Variants in TNPO2 observed in about 807,000 individuals in gnomAD.
TNPO2 encodes the protein transportin 2.
Under a neutral mutation model 111.1 loss-of-function variants are expected in TNPO2, and 16 were observed. That is an observed-to-expected ratio of 0.14 (90% confidence interval 0.10 to 0.22). TNPO2 has a LOEUF of 0.22. Ranked by LOEUF, TNPO2 falls within the 10% of genes least tolerant of loss-of-function variation. The pLI, the probability that TNPO2 is intolerant of heterozygous loss-of-function variation, is 1.00. For synonymous variants in TNPO2, 481 were observed against 475.8 expected (o/e 1.01, Z -0.14); for missense variants, 530 against 1,173.7 (o/e 0.45, Z 8.01).
chr19:12,710,889 CT>C lies in TNPO2; in HGVS notation c.1118-117del, dbSNP rs965126517. The C allele has an allele frequency of 5.4e-4, 593 of 1,100,990 alleles. 1 individual carries two copies. The highest frequency in any genetic ancestry group is 2.7e-3 in the African/African-American group (168 of 62,178). The allele number at this position is 1,100,990 out of a possible 1,614,324, so 68.2% of individuals were successfully genotyped here. On this transcript the variant is annotated intron_variant, in intron 12 of 25. Transcript: ENST00000425528. ...TGCTCAGAATCTTCACGATCAGCTT[CT>C]TTTTTTTTGTTTTGTTTTTTTGAGA... is the stretch of plus-strand genomic sequence containing the variant.
Position 12,699,856 on chromosome 19 carries a change from C to T in TNPO2, c.*1408G>A, listed in dbSNP as rs2025195386. ...CAGGAGGGATGGATGGAGCAGGCCCCAGGATGCGAGACTCCAGTCAGACTC... is the reference window on the plus strand; with the variant it reads ...CAGGAGGGATGGATGGAGCAGGCCCTAGGATGCGAGACTCCAGTCAGACTC... On this transcript the variant is annotated 3_prime_UTR_variant, in exon 26 of 26. Transcript: ENST00000425528. The T allele has an allele frequency of 6.6e-6, 1 of 152,230 alleles. No homozygotes were observed. Among genetic ancestry groups the T allele is most frequent in the South Asian group, 2.1e-4 (1 of 4,800 alleles). The allele number at this position is 152,230 out of a possible 1,614,324, so 9.4% of individuals were successfully genotyped here.
chr19:12,710,828 G>T, intron 12 of TNPO2, 55 bp from the exon 13 acceptor site: 2 of 1,476,048 alleles, frequency 1.4e-6, no homozygotes, highest in South Asian at 1.3e-5. Context: ...GCAGGTGGCC[G>T]ACCCTCCTTG....
At chr19:12,711,274 AC>A in intron 12 of TNPO2, 21 bp downstream of exon 12, 1 of 1,606,216 alleles carries the variant, frequency 6.2e-7, no homozygotes, top group African/African-American at 1.3e-5. Flanking sequence ...CCCCACCACC[AC>A]CCCCAGGCAG....
In TNPO2 at chr19:12,721,334, C is replaced by T. The variant is rs1267223401; in HGVS notation, c.-13-344G>A. On this transcript the variant is annotated intron_variant, in intron 2 of 25. Transcript: ENST00000425528. The surrounding 1 kb of genome is among the most constrained non-coding windows in gnomAD (Gnocchi z 4.9). ...CGAGCCCGAAGGCTTCCACCTCCCT[C>T]GCAGCGGCTGGGCGAGGGCCCAGCC... 1 of 1,274,858 alleles carries T rather than the reference C, an allele frequency of 7.8e-7. No individual in the cohort carries two copies. The highest frequency in any genetic ancestry group is 1.6e-5 in the African/African-American group (1 of 63,544). 79.0% of individuals were successfully genotyped at this position (1,274,858 alleles called of 1,614,324 possible). A position where few individuals can be genotyped will look rare whatever the true frequency, so the allele number is the denominator to read the frequency against.
Position 12,705,296 on chromosome 19 carries a change from C to T in TNPO2, c.1966G>A (p.Val656Met), listed in dbSNP as rs2025578345. ...SGLAEGLGGH[V>M]EQLVARSNIM... ...TTGCTGCGGGCCACCAGCTGCTCCACGTGACCACCCAGGCCCTCGGCCAGG... is the reference window on the plus strand; with the variant it reads ...TTGCTGCGGGCCACCAGCTGCTCCATGTGACCACCCAGGCCCTCGGCCAGG... The change falls in exon 18 of 26, where the codon GTG becomes ATG. Residue 656 changes from valine (V) to methionine (M), a missense_variant. Val to Met is a conservative substitution (Grantham distance 21, BLOSUM62 1). Transcript: ENST00000425528. The surrounding 1 kb of genome is among the most constrained non-coding windows in gnomAD (Gnocchi z 7.2). The T allele has an allele frequency of 3.7e-6, 6 of 1,602,612 alleles. No homozygotes were observed. Among genetic ancestry groups the T allele is most frequent in the South Asian group, 1.1e-5 (1 of 88,824 alleles).
rs1175331117 is a variant in TNPO2, at chr19:12,715,594, C to G, written c.432+39G>C. The stretch of plus-strand genomic sequence containing the variant: ...GGGTGGTGGGTGGTGGTCCCAGCCC[C>G]CCAGTACTCGCTCTGGCCATCCATG... On this transcript the variant is annotated intron_variant, in intron 6 of 25. Coordinates refer to ENST00000425528, the MANE Select transcript of TNPO2 (RefSeq NM_001382241.1). This position sits in a 1 kb window ranked among gnomAD's most constrained non-coding sequence, Gnocchi z 7.1. 6.2e-7 allele frequency: 1 copy of G among 1,613,498 alleles called. No individual in the cohort carries two copies. The highest frequency in any genetic ancestry group is 8.5e-7 in the Non-Finnish European group (1 of 1,179,648).
chr19:12,707,126 T>A (rs1186798362), intron 13 of TNPO2, among the ~76,000 whole-genome samples: 1 of 152,142 alleles, frequency 6.6e-6, no homozygotes, highest in African/African-American at 2.4e-5. Flanking sequence ...GCCTCCCAAG[T>A]AGCTGGGATT....
intron 18 of TNPO2, among the ~76,000 whole-genome samples, chr19:12,704,554 T>C (rs2025520806): frequency 6.6e-6 from 1 of 152,244 alleles, no homozygotes; most frequent in South Asian, 2.1e-4. Flanking sequence ...ATGCGTTCAG[T>C]ACAGATGTAA....
rs374852476 is a variant in TNPO2, at chr19:12,705,467, A to G, written c.1863+25T>C. ...CCGAGGCAGGCCAATGCAGAAGCACAGGTGACGGGCCTAGGGTTGCTCACC... is the reference window on the plus strand; with the variant it reads ...CCGAGGCAGGCCAATGCAGAAGCACGGGTGACGGGCCTAGGGTTGCTCACC... On this transcript the variant is annotated intron_variant, in intron 17 of 25. Coordinates refer to ENST00000425528, the MANE Select transcript of TNPO2 (RefSeq NM_001382241.1). This position sits in a 1 kb window ranked among gnomAD's most constrained non-coding sequence, Gnocchi z 7.2. 1 of 1,580,172 alleles carries G rather than the reference A, an allele frequency of 6.3e-7. No homozygotes were observed. Among genetic ancestry groups the G allele is most frequent in the Non-Finnish European group, 8.6e-7 (1 of 1,163,144 alleles).
intron 13 of TNPO2, among the ~76,000 whole-genome samples, chr19:12,709,642 G>GTTT (rs78853226): frequency 6.5e-5 from 8 of 122,888 alleles, no homozygotes; most frequent in East Asian, 4.5e-4. Flanking sequence ...ATTTTATCAG[G>GTTT]TTTTTTTTTT....
Position 12,703,335 on chromosome 19 carries a change from C to G in TNPO2, c.2209+93G>C, listed in dbSNP as rs1335307003. On this transcript the variant is annotated intron_variant, in intron 20 of 25. Coordinates refer to ENST00000425528, the MANE Select transcript of TNPO2 (RefSeq NM_001382241.1). ...CCCTGACGACCCCCAAGAGACTTGC[C>G]TTGAAGGAAGCTGTCAGTCAGAGCT... The G allele has an allele frequency of 6.6e-6, 8 of 1,209,246 alleles. No individual in the cohort carries two copies. In the East Asian group the frequency reaches 9.3e-5, roughly 14 times the overall value. The allele number at this position is 1,209,246 out of a possible 1,614,324, so 74.9% of individuals were successfully genotyped here.
At chr19:12,716,567 A>C (rs1568338447) in intron 5 of TNPO2, among the ~76,000 whole-genome samples, 1 of 151,914 alleles carries the variant, frequency 6.6e-6, no homozygotes, top group Non-Finnish European at 1.5e-5. Flanking sequence ...CAGAGGTTGC[A>C]GTGAGCAGAG....
intron 18 of TNPO2, among the ~76,000 whole-genome samples, chr19:12,704,839 T>C (rs2025544378): frequency 6.6e-6 from 1 of 152,038 alleles, no homozygotes; most frequent in Non-Finnish European, 1.5e-5. Context: ...CCTACCACCA[T>C]GCCTGGCTAA....
Position 12,715,761 on chromosome 19 carries a change from G to T in TNPO2, c.326-22C>A. The T allele has an allele frequency of 6.3e-7, 1 of 1,578,182 alleles. No homozygotes were observed. The highest frequency in any genetic ancestry group is 8.6e-7 in the Non-Finnish European group (1 of 1,162,126). ...ATGCCTGGGGCGGCCGGGAAAGGAC[G>T]CTGCCTGAGGCTGGGCAGGGGCTGC... On this transcript the variant is annotated intron_variant, in intron 5 of 25. Coordinates refer to ENST00000425528, the MANE Select transcript of TNPO2 (RefSeq NM_001382241.1). This position sits in a 1 kb window ranked among gnomAD's most constrained non-coding sequence, Gnocchi z 7.1.
chr19:12,709,211 A>C (rs930813815), intron 13 of TNPO2, among the ~76,000 whole-genome samples: 4 of 151,090 alleles, frequency 2.6e-5, no homozygotes, highest in African/African-American at 9.7e-5. Flanking sequence ...AATACAAAAA[A>C]ATTAGCTGGG....
At chr19:12,720,834 A>T (rs768514007) in intron 3 of TNPO2, 45 bp downstream of exon 3, 7 of 1,543,392 alleles carry the variant, frequency 4.5e-6, no homozygotes, top group Non-Finnish European at 6.1e-6. Flanking sequence ...TGGAAACTGC[A>T]CGCATCTACC....
At position 12,721,096 on chromosome 19, in the gene TNPO2, C is replaced by A; in HGVS notation, c.-13-106G>T. On this transcript the variant is annotated intron_variant, in intron 2 of 25. Transcript: ENST00000425528. This position sits in a 1 kb window ranked among gnomAD's most constrained non-coding sequence, Gnocchi z 4.9. ...GGCCGCATGACGACGGGAACGCCCT[C>A]GGCGGACAGGCGGAGGCCTCCGATC... is the stretch of plus-strand genomic sequence containing the variant. The A allele has an allele frequency of 6.5e-7, 1 of 1,527,340 alleles. No individual in the cohort carries two copies. Among genetic ancestry groups the A allele is most frequent in the Non-Finnish European group, 8.7e-7 (1 of 1,143,142 alleles). 94.6% of individuals were successfully genotyped at this position (1,527,340 alleles called of 1,614,324 possible). A position where few individuals can be genotyped will look rare whatever the true frequency, so the allele number is the denominator to read the frequency against.
Position 12,715,321 on chromosome 19 carries a change from G to C in TNPO2, c.570C>G (p.Ser190=). ...FFKHCSPKIR[S]HAIACVNQFI... ...ACTGGTTCACGCAGGCGATGGCGTG[G>C]GACCTGGCGGGGAGCAGACACGTGG... Residue 190 remains serine, a synonymous_variant, in exon 8 of 26, where the codon TCC becomes TCG. Coordinates refer to ENST00000425528, the MANE Select transcript of TNPO2 (RefSeq NM_001382241.1). The surrounding 1 kb of genome is among the most constrained non-coding windows in gnomAD (Gnocchi z 7.1). 1 of 1,613,802 alleles carries C rather than the reference G, an allele frequency of 6.2e-7. No individual in the cohort carries two copies. Among genetic ancestry groups the C allele is most frequent in the Non-Finnish European group, 8.5e-7 (1 of 1,179,824 alleles).
chr19:12,703,052 G>A (rs1332825597), intron 20 of TNPO2, 134 bp from the exon 21 acceptor site: 9 of 765,080 alleles, frequency 1.2e-5, no homozygotes, highest in Admixed American at 4.8e-5. Context: ...GGAAACAAAA[G>A]ACCTTCTCCG....
Sources: gnomAD v4.1 joint callset for allele counts (sites outside exome capture counted in the v4.1 genomes callset) on GRCh38, gnomAD v4.1.1 for gene constraint, Gnocchi (gnomAD v3.1) non-coding constraint, MANE v1.5 for transcripts, NCBI Gene and HGNC (gene_info 2026-07-23, HGNC 2026-07-21) for gene names.